CD55: variants seen among roughly 807,000 people sequenced by gnomAD.
CD55 encodes the protein CD55 molecule (Cromer blood group), also known as complement decay-accelerating factor.
CD55 carries 41 observed loss-of-function variants against 45.8 expected under a neutral mutation model. The ratio of observed to expected loss-of-function variants is 0.90; its 90% CI spans 0.70 to 1.16. The LOEUF (loss-of-function observed/expected upper bound fraction) is 1.16, where lower values mean the gene tolerates loss of function less well. CD55 is among the 50% of genes most tolerant of loss of function. CD55 has a pLI of 0.00. For synonymous variants in CD55, 181 were observed against 181.1 expected (o/e 1.00, Z 0.01); for missense variants, 416 against 469.8 (o/e 0.89, Z 1.06).
chr1:207,338,086 T>C (rs907848163), intron 8 of CD55, among the ~76,000 whole-genome samples: 1 of 152,222 alleles, frequency 6.6e-6, no homozygotes, highest in African/African-American at 2.4e-5. Flanking sequence ...TTATGGATGT[T>C]ATCGTTAAAG....
chr1:207,331,236 A>G lies in CD55; in HGVS notation c.793A>G (p.Ile265Val), dbSNP rs752068540. 6.8e-6 allele frequency: 11 copies of G among 1,613,864 alleles called. No homozygotes were observed. Among genetic ancestry groups the G allele is most frequent in the Admixed American group, 1.7e-5 (1 of 60,022 alleles). Residue 265 changes from isoleucine to valine, a missense_variant, in exon 6 of 10, where the codon ATT (isoleucine) becomes GTT (valine). Coordinates refer to ENST00000367064, the MANE Select transcript of CD55 (RefSeq NM_000574.5). ...KGFTMIGEHS[I>V]YCTVNNDEGE... Reference sequence around the variant, plus strand: ...ATTCACCATGATTGGAGAGCACTCTATTTATTGTACTGTGAATAATGATGA... The same window carrying G: ...ATTCACCATGATTGGAGAGCACTCTGTTTATTGTACTGTGAATAATGATGA...
intron 5 of CD55, among the ~76,000 whole-genome samples, chr1:207,328,870 G>A (rs1178359504): frequency 1.3e-5 from 2 of 152,098 alleles, no homozygotes; most frequent in Non-Finnish European, 2.9e-5. Context: ...ACATTTTCAG[G>A]GCCCAGGCAA....
intron 6 of CD55, among the ~76,000 whole-genome samples, chr1:207,332,360 A>G (rs1359423176): frequency 3.9e-5 from 6 of 152,132 alleles, no homozygotes; most frequent in African/African-American, 1.4e-4. Flanking sequence ...CTGTCACTGC[A>G]CATATATGCA....
chr1:207,347,957 C>G (rs28739006), intron 9 of CD55, among the ~76,000 whole-genome samples: 1,572 of 152,178 alleles, frequency 0.01, 32 homozygotes, highest in African/African-American at 0.037. Context: ...GTATATATAC[C>G]ACATTTTCTT....
chr1:207,323,099 A>G (rs1039078923), intron 2 of CD55, among the ~76,000 whole-genome samples: 40 of 152,042 alleles, frequency 2.6e-4, no homozygotes, highest in African/African-American at 9.6e-4. Context: ...TGTGTGGAGA[A>G]TATTCCAAAT....
rs878906671 is a variant in CD55, at chr1:207,359,580, G to T, written c.1116G>T (p.Gly372=). The T allele has an allele frequency of 6.3e-7, 1 of 1,588,298 alleles. No individual in the cohort carries two copies. Among genetic ancestry groups the T allele is most frequent in the South Asian group, 1.1e-5 (1 of 87,862 alleles). ...HTCFTLTGLL[G]TLVTMGLLT ...GTTTCACGTTGACAGGTTTGCTTGGGACGCTAGTAACCATGGGCTTGCTGA... is the reference window on the plus strand; with the variant it reads ...GTTTCACGTTGACAGGTTTGCTTGGTACGCTAGTAACCATGGGCTTGCTGA... Residue 372 remains glycine (G), a synonymous_variant, in exon 10 of 10, where the codon GGG becomes GGT. Transcript: ENST00000367064.
chr1:207,354,055 C>T (rs1655990491), intron 9 of CD55: 1 of 1,535,190 alleles, frequency 6.5e-7, no homozygotes, highest in Non-Finnish European at 8.7e-7. Context: ...CACATTTCTT[C>T]AAAAAAGATG....
intron 9 of CD55, chr1:207,347,311 G>A (rs1316053782): frequency 4.7e-6 from 2 of 427,492 alleles, no homozygotes; most frequent in Admixed American, 2.5e-5. Context: ...CCAGGCTGGA[G>A]TGCAGTGGCG....
chr1:207,337,552 G>C (rs1046411515), intron 8 of CD55, 143 bp downstream of exon 8: 3 of 549,050 alleles, frequency 5.5e-6, no homozygotes, highest in Non-Finnish European at 9.8e-6. Context: ...TACTTTATTT[G>C]GAAGCGGACT....
At chr1:207,337,272 C>T in intron 7 of CD55, 57 bp from the exon 8 acceptor site, 1 of 1,077,590 alleles carries the variant, frequency 9.3e-7, no homozygotes, top group Non-Finnish European at 1.4e-6. Context: ...AATGTACATT[C>T]CCCAGTGACT....
chr1:207,353,178 A>G (rs1454412095), intron 9 of CD55, among the ~76,000 whole-genome samples: 2 of 151,552 alleles, frequency 1.3e-5, no homozygotes, highest in Non-Finnish European at 2.9e-5. Context: ...GTACTTTAAA[A>G]GATAGAAAGA....
At chr1:207,351,026 C>T (rs939413307) in intron 9 of CD55, among the ~76,000 whole-genome samples, 2 of 152,062 alleles carry the variant, frequency 1.3e-5, no homozygotes, top group Non-Finnish European at 2.9e-5. Flanking sequence ...CTGGCTGTGT[C>T]CCAGACACTC....
At chr1:207,323,774 A>C (rs193248804) in intron 2 of CD55, among the ~76,000 whole-genome samples, 2 of 152,330 alleles carry the variant, frequency 1.3e-5, no homozygotes, top group African/African-American at 4.8e-5. Flanking sequence ...CACATGTATC[A>C]TGTTTTAACT....
intron 6 of CD55, among the ~76,000 whole-genome samples, chr1:207,335,910 A>G (rs1655151906): frequency 6.6e-6 from 1 of 152,030 alleles, no homozygotes. Context: ...TTTTATCCTC[A>G]TTTTACAGAT....
chr1:207,325,334 C>CAA (rs59606883), intron 3 of CD55, among the ~76,000 whole-genome samples: 86 of 115,580 alleles, frequency 7.4e-4, no homozygotes, highest in Middle Eastern at 4.4e-3. Flanking sequence ...AACTCCATCT[C>CAA]AAAAAAAAAA....
intron 9 of CD55, among the ~76,000 whole-genome samples, chr1:207,344,823 C>G (rs1655568664): frequency 6.6e-6 from 1 of 152,074 alleles, no homozygotes; most frequent in African/African-American, 2.4e-5. Context: ...AGCGATTCTC[C>G]CACCTCAGCC....
chr1:207,353,519 A>G (rs1655966021), intron 9 of CD55, among the ~76,000 whole-genome samples: 1 of 152,168 alleles, frequency 6.6e-6, no homozygotes, highest in South Asian at 2.1e-4. Context: ...AGCTATTTGA[A>G]GTTAATAAGA....
chr1:207,356,466 C>T (rs1314640705), intron 9 of CD55, among the ~76,000 whole-genome samples: 1 of 152,040 alleles, frequency 6.6e-6, no homozygotes, highest in Non-Finnish European at 1.5e-5. Flanking sequence ...TTTTTTTCCA[C>T]TCAGTGTAAT....
intron 9 of CD55, among the ~76,000 whole-genome samples, chr1:207,342,268 C>T (rs984542450): frequency 1.3e-5 from 2 of 151,788 alleles, no homozygotes; most frequent in Non-Finnish European, 2.9e-5. Flanking sequence ...TAAATGAAAA[C>T]TTGGTTCTCT....
Sources: allele counts gnomAD v4.1 joint callset (sites outside exome capture counted in the v4.1 genomes callset), GRCh38; gene constraint gnomAD v4.1.1; transcripts MANE v1.5; gene names NCBI Gene and HGNC (gene_info 2026-07-23, HGNC 2026-07-21).